Variants in UBE2V1 observed in about 807,000 individuals in gnomAD.
UBE2V1 encodes the protein ubiquitin conjugating enzyme E2 V1.
Under a neutral mutation model 19.6 loss-of-function variants are expected in UBE2V1, and 15 were observed. The observed-to-expected ratio is 0.77, with a 90% CI of 0.51 to 1.18. The LOEUF (loss-of-function observed/expected upper bound fraction) is 1.18. Ranked by LOEUF, UBE2V1 falls within the 50% of genes most tolerant of loss-of-function variation. The pLI is 0.00. For synonymous variants in UBE2V1, 60 were observed against 60.7 expected (o/e 0.99, Z 0.05); for missense variants, 125 against 184.8 (o/e 0.68, Z 1.88).
At chr20:50,113,047 C>T (rs1355164782) in intron 1 of UBE2V1, 60 bp downstream of exon 1, 11 of 758,094 alleles carry the variant, frequency 1.5e-5, no homozygotes, top group Non-Finnish European at 1.9e-5. Context: ...TTTGAGGGTC[C>T]CCGGCCCCCG....
In UBE2V1 at chr20:50,104,720, G is replaced by A. The variant is rs894829147; in HGVS notation, c.23-7900C>T. On this transcript the variant is annotated intron_variant, in intron 1 of 3. Coordinates refer to ENST00000371674, the MANE Select transcript of UBE2V1 (RefSeq NM_001032288.3). Reference sequence around the variant, plus strand: ...TTTTATTTTGAGATAAGTAAAATTTGGTAACCATTTCTAATTTATTTTTAG... The same window carrying A: ...TTTTATTTTGAGATAAGTAAAATTTAGTAACCATTTCTAATTTATTTTTAG... Among the ~76,000 whole-genome samples, 69 of 148,904 alleles carry A rather than the reference G, an allele frequency of 4.6e-4. 1 individual carries two copies. Among genetic ancestry groups the A allele is most frequent in the Non-Finnish European group, 8.2e-4 (55 of 67,396 alleles).
chr20:50,102,023 C>A (rs1439240202), intron 1 of UBE2V1, among the ~76,000 whole-genome samples: 1 of 152,140 alleles, frequency 6.6e-6, no homozygotes, highest in African/African-American at 2.4e-5. Context: ...CAGAGTAGGG[C>A]AAGAGATAAG....
intron 2 of UBE2V1, among the ~76,000 whole-genome samples, chr20:50,088,935 T>C (rs774021731): frequency 1.1e-4 from 16 of 152,360 alleles, no homozygotes; most frequent in African/African-American, 2.6e-4. Context: ...TACATAGTTA[T>C]ATACAAATTA....
intron 1 of UBE2V1, among the ~76,000 whole-genome samples, chr20:50,101,546 T>C (rs536691985): frequency 1.9e-5 from 2 of 107,316 alleles, no homozygotes; most frequent in East Asian, 5.4e-4. Context: ...TTAATGTGTA[T>C]AGAACTGGAC....
In UBE2V1 at chr20:50,081,984, G is replaced by C. The variant is rs73611753; in HGVS notation, c.*784C>G. The C allele has an allele frequency of 4.7e-6, 1 of 213,694 alleles. No homozygotes were observed. Among genetic ancestry groups the C allele is most frequent in the Non-Finnish European group, 9.3e-6 (1 of 107,912 alleles). 13.2% of individuals were successfully genotyped at this position (213,694 alleles called of 1,614,324 possible). On this transcript the variant is annotated 3_prime_UTR_variant, in exon 4 of 4. Coordinates refer to ENST00000371674, the MANE Select transcript of UBE2V1 (RefSeq NM_001032288.3). Reference sequence around the variant, plus strand: ...AGGCTCTTTCCAACCTTACCTGATGGCTTCTGGCCAAAGCAAGGAAGTGTC... The same window carrying C: ...AGGCTCTTTCCAACCTTACCTGATGCCTTCTGGCCAAAGCAAGGAAGTGTC...
At chr20:50,108,885 T>C (rs2080561457) in intron 1 of UBE2V1, 1 of 968,038 alleles carries the variant, frequency 1.0e-6, no homozygotes, top group Admixed American at 6.2e-5. Flanking sequence ...CTGAAACGGG[T>C]AGCAGTAGAC....
intron 1 of UBE2V1, among the ~76,000 whole-genome samples, chr20:50,105,291 G>A (rs1288651669): frequency 1.3e-5 from 2 of 152,272 alleles, no homozygotes; most frequent in African/African-American, 4.8e-5. Context: ...ATAGAATTCA[G>A]GGTCTACTCC....
chr20:50,098,063 T>C (rs912466452), intron 1 of UBE2V1, among the ~76,000 whole-genome samples: 19 of 152,184 alleles, frequency 1.2e-4, no homozygotes, highest in Non-Finnish European at 2.6e-4. Flanking sequence ...TGACAGATCC[T>C]GGTGTTCCGG....
rs533875532 is a variant in UBE2V1, at chr20:50,082,904, C to T, written c.308G>A (p.Arg103Lys). The T allele has an allele frequency of 1.2e-6, 2 of 1,607,692 alleles. No individual in the cohort carries two copies. The highest frequency in any genetic ancestry group is 1.1e-5 in the South Asian group (1 of 90,994). ...CCATTTTGCTAGCACTGATATGGCT[C>T]TTGGGTCCACCTACAACAAGGCAAA... ...VNSSNGVVDPRAISVLAKWQN... is the reference protein window; with the variant it reads ...VNSSNGVVDPKAISVLAKWQN... The change falls in exon 4 of 4, where the codon AGA becomes AAA. Residue 103 changes from arginine (R) to lysine (K), a missense_variant. Coordinates refer to ENST00000371674, the MANE Select transcript of UBE2V1 (RefSeq NM_001032288.3).
At chr20:50,105,339 C>A (rs1324051604) in intron 1 of UBE2V1, among the ~76,000 whole-genome samples, 1 of 152,176 alleles carries the variant, frequency 6.6e-6, no homozygotes, top group Non-Finnish European at 1.5e-5. Context: ...ATTCAGAGAT[C>A]CTGCAGACTT....
chr20:50,087,834 C>G (rs1340219262), intron 2 of UBE2V1, among the ~76,000 whole-genome samples: 1 of 152,126 alleles, frequency 6.6e-6, no homozygotes. Flanking sequence ...AACCCGGAGA[C>G]TTCGTAGCCT....
chr20:50,108,629 T>C (rs2080545953), intron 1 of UBE2V1, among the ~76,000 whole-genome samples: 1 of 152,200 alleles, frequency 6.6e-6, no homozygotes, highest in Admixed American at 6.5e-5. Flanking sequence ...ATAATGTAGT[T>C]AATACAGTGT....
chr20:50,090,664 G>A (rs996154437), intron 2 of UBE2V1, among the ~76,000 whole-genome samples: 8 of 152,134 alleles, frequency 5.3e-5, no homozygotes, highest in African/African-American at 1.9e-4. Flanking sequence ...GGGTGTAAGG[G>A]GAGATACTGG....
intron 2 of UBE2V1, among the ~76,000 whole-genome samples, chr20:50,088,049 A>C (rs1236707576): frequency 6.6e-6 from 1 of 151,768 alleles, no homozygotes; most frequent in Non-Finnish European, 1.5e-5. Context: ...GGAGATTATA[A>C]ATTTTTCCTG....
intron 1 of UBE2V1, among the ~76,000 whole-genome samples, chr20:50,109,293 C>T (rs2080590116): frequency 6.6e-6 from 1 of 152,024 alleles, no homozygotes; most frequent in Admixed American, 6.6e-5. Flanking sequence ...ATTTTGTATT[C>T]TACTTTTACC....
At chr20:50,113,224 C>A (rs2080897703), upstream of UBE2V1, 1 of 1,006,948 alleles carries the variant, frequency 9.9e-7, no homozygotes, top group South Asian at 4.2e-5. Flanking sequence ...CGCACATACG[C>A]CGCCGCTGAC....
At chr20:50,094,929 C>G (rs546184830) in intron 2 of UBE2V1, 1 of 152,158 alleles carries the variant, frequency 6.6e-6, no homozygotes, top group Non-Finnish European at 1.5e-5. Context: ...ACCGTAGCTA[C>G]GCATTACAAC....
chr20:50,097,251 G>C (rs937951665), intron 1 of UBE2V1, among the ~76,000 whole-genome samples: 3 of 152,112 alleles, frequency 2.0e-5, no homozygotes, highest in Non-Finnish European at 4.4e-5. Flanking sequence ...CCTTTAGGAG[G>C]AATAGTCACC....
intron 2 of UBE2V1, 51 bp from the exon 3 acceptor site, chr20:50,084,305 A>G: frequency 1.2e-6 from 2 of 1,609,286 alleles, no homozygotes; most frequent in South Asian, 1.1e-5. Context: ...AAAGCATTCA[A>G]AAAGGTAGAG....
Sources: gnomAD v4.1 joint callset for allele counts (sites outside exome capture counted in the v4.1 genomes callset) on GRCh38, gnomAD v4.1.1 for gene constraint, MANE v1.5 for transcripts, NCBI Gene and HGNC (gene_info 2026-07-23, HGNC 2026-07-21) for gene names.